The following LEPR variants were observed in gnomAD, a reference collection of about 807,000 sequenced individuals.
LEPR encodes the protein leptin receptor.
A neutral mutation model predicts 114.7 loss-of-function variants in LEPR; 56 were observed. The observed-to-expected ratio is 0.49, with a 90% CI of 0.39 to 0.61. LEPR has a LOEUF of 0.61. LEPR is among the 20% of genes least tolerant of loss of function. LEPR has a pLI of 0.00. For missense variants in LEPR, 1,202 were observed against 1,352.9 expected, an observed-to-expected ratio of 0.89 and a Z score of 1.75; for synonymous variants, 443 against 461.4, an observed-to-expected ratio of 0.96 and a Z score of 0.51.
intron 2 of LEPR, among the ~76,000 whole-genome samples, chr1:65,552,104 C>A (rs982996156): frequency 1.3e-5 from 2 of 152,144 alleles, no homozygotes; most frequent in Non-Finnish European, 2.9e-5. Context: ...TTTGCATTTG[C>A]TGAGGAGTGT....
At chr1:65,424,932 A>C (rs891233872) in intron 1 of LEPR, among the ~76,000 whole-genome samples, 7 of 152,228 alleles carry the variant, frequency 4.6e-5, no homozygotes, top group Admixed American at 4.6e-4. Flanking sequence ...GGAAGGTTTC[A>C]ACATGTGAAT....
intron 19 of LEPR, among the ~76,000 whole-genome samples, chr1:65,626,910 A>T (rs1658252070): frequency 1.3e-5 from 2 of 152,156 alleles, no homozygotes; most frequent in African/African-American, 4.8e-5. Context: ...GCTGGACTTA[A>T]CAGATGTGAG....
chr1:65,520,247 T>G (rs1360285785), intron 2 of LEPR, among the ~76,000 whole-genome samples: 1 of 152,166 alleles, frequency 6.6e-6, no homozygotes, highest in Non-Finnish European at 1.5e-5. Flanking sequence ...GCTCCTGCCT[T>G]GGACTCCCAA....
rs573115117 is a variant in LEPR, at chr1:65,466,624, C to G, written c.-21+41246C>G. Among the ~76,000 whole-genome samples the G allele has an allele frequency of 2.3e-4, 35 of 152,294 alleles. No homozygotes were observed. The South Asian group carries it at 2.5e-3, about 11-fold the overall frequency. On this transcript the variant is annotated intron_variant, in intron 2 of 19. Coordinates refer to ENST00000349533, the MANE Select transcript of LEPR (RefSeq NM_002303.6). The stretch of plus-strand genomic sequence containing the variant: ...TAGATAATATCCTGAAGAGTGTTTT[C>G]CAACTTGGTTCCATTCTCCCCGTCA...
At chr1:65,598,547 C>G (rs889441532) in intron 7 of LEPR, 113 bp from the exon 8 acceptor site, 20 of 1,465,838 alleles carry the variant, frequency 1.4e-5, no homozygotes, top group African/African-American at 4.2e-5. Context: ...GGCCAGATAA[C>G]TACTGTGTAA....
intron 19 of LEPR, chr1:65,626,298 A>T (rs1407951417): frequency 7.7e-7 from 1 of 1,306,810 alleles, no homozygotes; most frequent in African/African-American, 1.5e-5. Flanking sequence ...CATTTTTTCA[A>T]GTTCTGGTAA....
chr1:65,487,987 TTCA>T (rs961008505), intron 2 of LEPR, among the ~76,000 whole-genome samples: 54 of 151,100 alleles, frequency 3.6e-4, no homozygotes, highest in African/African-American at 1.3e-3. Context: ...CTCTCTTTCT[TTCA>T]TCTTTCTTTC....
chr1:65,581,020 C>G (rs536107605), intron 5 of LEPR, among the ~76,000 whole-genome samples: 2 of 152,260 alleles, frequency 1.3e-5, no homozygotes, highest in South Asian at 4.1e-4. Flanking sequence ...TCTATAACTA[C>G]TAACACCTAC....
At chr1:65,447,877 A>G (rs1646733340) in intron 2 of LEPR, among the ~76,000 whole-genome samples, 1 of 152,200 alleles carries the variant, frequency 6.6e-6, no homozygotes, top group Non-Finnish European at 1.5e-5. Context: ...TGACTTTTGT[A>G]TATTAATCTT....
intron 2 of LEPR, among the ~76,000 whole-genome samples, chr1:65,515,685 T>A (rs1286967809): frequency 6.6e-6 from 1 of 152,234 alleles, no homozygotes; most frequent in Non-Finnish European, 1.5e-5. Context: ...CTCTTGTCTT[T>A]CTTTCATAGA....
chr1:65,630,982 C>T lies in LEPR; in HGVS notation c.2674-5209C>T, dbSNP rs555721386. Reference sequence around the variant, plus strand: ...TTTATCTTGGCCTCTCTTTTATTATCTCAGACTTTCCTCCTAATATCTGGT... The same window carrying T: ...TTTATCTTGGCCTCTCTTTTATTATTTCAGACTTTCCTCCTAATATCTGGT... On this transcript the variant is annotated intron_variant, in intron 19 of 19. Transcript: ENST00000349533. Among the ~76,000 whole-genome samples the T allele has an allele frequency of 2.0e-4, 30 of 152,096 alleles. No homozygotes were observed. In the South Asian group the frequency reaches 6.2e-3, roughly 32 times the overall value.
intron 2 of LEPR, chr1:65,431,815 G>A: frequency 6.2e-7 from 1 of 1,613,482 alleles, no homozygotes; most frequent in Non-Finnish European, 8.5e-7. Flanking sequence ...CAAATGGGGA[G>A]CCTGCGGCCT....
intron 2 of LEPR, among the ~76,000 whole-genome samples, chr1:65,472,411 AAC>A (rs71721804): frequency 0.028 from 3,712 of 133,222 alleles, 156 homozygotes; most frequent in African/African-American, 0.092. Flanking sequence ...CTGTGGCTAA[AAC>A]ACACACACAC....
At chr1:65,439,019 T>C (rs1209486090) in intron 2 of LEPR, among the ~76,000 whole-genome samples, 1 of 152,218 alleles carries the variant, frequency 6.6e-6, no homozygotes, top group East Asian at 1.9e-4. Flanking sequence ...GTTAAAATAT[T>C]GGTGCAAAGC....
chr1:65,444,033 T>C lies in LEPR; in HGVS notation c.-21+18655T>C, dbSNP rs564252240. ...CAGGTTAGTTACATATGTATACATGTGCCATGCTGGTGCGCTGCACCCACT... is the reference window on the plus strand; with the variant it reads ...CAGGTTAGTTACATATGTATACATGCGCCATGCTGGTGCGCTGCACCCACT... On this transcript the variant is annotated intron_variant, in intron 2 of 19. Coordinates refer to ENST00000349533, the MANE Select transcript of LEPR (RefSeq NM_002303.6). Among the ~76,000 whole-genome samples the C allele has an allele frequency of 1.6e-3, 53 of 33,486 alleles. 14 individuals carry two copies. Among genetic ancestry groups the C allele is most frequent in the African/African-American group, 4.5e-3 (49 of 10,904 alleles). 22.0% of individuals were successfully genotyped at this position (33,486 alleles called of 152,430 possible). A position where few individuals can be genotyped will look rare whatever the true frequency, so the allele number is the denominator to read the frequency against.
At chr1:65,506,433 G>A (rs1648733567) in intron 2 of LEPR, among the ~76,000 whole-genome samples, 1 of 152,198 alleles carries the variant, frequency 6.6e-6, no homozygotes, top group African/African-American at 2.4e-5. Context: ...TGGGGGAAGG[G>A]ATGGAGAAGA....
chr1:65,595,550 C>T (rs6689191), intron 6 of LEPR, among the ~76,000 whole-genome samples: 76,416 of 151,824 alleles, frequency 0.5, 20,054 homozygotes, highest in East Asian at 0.88. Context: ...ATTTATAATA[C>T]GTCTCATAAA....
intron 10 of LEPR, among the ~76,000 whole-genome samples, chr1:65,604,264 A>T (rs1656655440): frequency 6.6e-6 from 1 of 152,172 alleles, no homozygotes; most frequent in South Asian, 2.1e-4. Context: ...GGGAAAAATT[A>T]AAAAATGCCT....
intron 2 of LEPR, among the ~76,000 whole-genome samples, chr1:65,541,507 T>G (rs1651191919): frequency 6.6e-6 from 1 of 152,122 alleles, no homozygotes; most frequent in Non-Finnish European, 1.5e-5. Flanking sequence ...TGCCAGGATG[T>G]TGGAAGGTTT....
Sources: gnomAD v4.1 joint callset for allele counts (sites outside exome capture counted in the v4.1 genomes callset) on GRCh38, gnomAD v4.1.1 for gene constraint, MANE v1.5 for transcripts, NCBI Gene and HGNC (gene_info 2026-07-23, HGNC 2026-07-21) for gene names.